FRMD6: variants seen among roughly 807,000 people sequenced by gnomAD.
FRMD6 encodes the protein FERM domain containing 6.
In FRMD6, 37 loss-of-function variants were observed where a neutral mutation model predicts 73.2. That is an observed-to-expected ratio of 0.51 (90% CI 0.39 to 0.66). FRMD6 has a LOEUF of 0.66. FRMD6 is among the 30% of genes least tolerant of loss of function. The pLI is 0.00. For missense variants in FRMD6, 714 were observed against 780.5 expected (o/e 0.91, Z 1.02); for synonymous variants, 273 against 282.2 (o/e 0.97, Z 0.33).
chr14:51,520,159 C>G (rs1473726283), intron 1 of FRMD6, among the ~76,000 whole-genome samples: 1 of 152,050 alleles, frequency 6.6e-6, no homozygotes, highest in Admixed American at 6.6e-5. Flanking sequence ...TAAAAATGGG[C>G]AAAAGACTTC....
At chr14:51,557,488 G>T (rs2139480443) in intron 1 of FRMD6, among the ~76,000 whole-genome samples, 1 of 152,224 alleles carries the variant, frequency 6.6e-6, no homozygotes, top group Non-Finnish European at 1.5e-5. Flanking sequence ...CTAGGGCAAG[G>T]CTAGGGCAGG....
At chr14:51,675,715 ATCT>A (rs1420502062) in intron 1 of FRMD6, among the ~76,000 whole-genome samples, 1 of 151,914 alleles carries the variant, frequency 6.6e-6, no homozygotes, top group African/African-American at 2.4e-5. Context: ...TGTGCTTTTG[ATCT>A]TCTTTACTTT....
At chr14:51,694,719 T>C (rs551971505) in intron 2 of FRMD6, among the ~76,000 whole-genome samples, 1 of 152,300 alleles carries the variant, frequency 6.6e-6, no homozygotes, top group East Asian at 1.9e-4. Flanking sequence ...ATATAGAGTA[T>C]ATTTTTAGAT....
intron 1 of FRMD6, among the ~76,000 whole-genome samples, chr14:51,546,109 CAA>C (rs1886451144): frequency 2.0e-5 from 3 of 152,092 alleles, no homozygotes; most frequent in African/African-American, 7.2e-5. Context: ...AAAAATATGA[CAA>C]GTCTGTATTT....
chr14:51,492,429 G>A (rs978714190), intron 1 of FRMD6, among the ~76,000 whole-genome samples: 3 of 152,054 alleles, frequency 2.0e-5, no homozygotes, highest in African/African-American at 7.2e-5. Flanking sequence ...GACTAGGGAT[G>A]CCAGAGGAGG....
rs922577255 is a variant in FRMD6, at chr14:51,622,927, G to T, written c.-147+52517G>T. Among the ~76,000 whole-genome samples the T allele has an allele frequency of 6.6e-5, 10 of 152,140 alleles. No homozygotes were observed. The East Asian group carries it at 7.7e-4, about 12-fold the overall frequency. On this transcript the variant is annotated intron_variant, in intron 2 of 14. Coordinates refer to the FRMD6 transcript ENST00000356218. ...ACTACAGGCAGGCATCATCAAGCTC[G>T]GCTAATTTTTTAAAAGATTTTTTGT...
chr14:51,486,751 T>C (rs1377332461), upstream of FRMD6, among the ~76,000 whole-genome samples: 5 of 152,178 alleles, frequency 3.3e-5, no homozygotes, highest in Non-Finnish European at 7.3e-5. Context: ...TGTCCTTATG[T>C]GGAAGATGCC....
intron 2 of FRMD6, among the ~76,000 whole-genome samples, chr14:51,609,609 CAG>C (rs1164269465): frequency 6.6e-6 from 1 of 152,152 alleles, no homozygotes; most frequent in African/African-American, 2.4e-5. Flanking sequence ...TGCGTTCAAT[CAG>C]AGAGAGATTA....
intron 1 of FRMD6, among the ~76,000 whole-genome samples, chr14:51,521,251 T>C (rs1884941108): frequency 1.3e-5 from 2 of 152,194 alleles, no homozygotes; most frequent in African/African-American, 4.8e-5. Context: ...ATGTAAGTTG[T>C]AGTTCTGTAA....
rs191697475 is a variant in FRMD6, at chr14:51,548,576, G to A, written c.-209-21772G>A. Among the ~76,000 whole-genome samples the A allele has an allele frequency of 3.8e-3, 585 of 152,244 alleles. 5 individuals are homozygous for A. Among genetic ancestry groups the A allele is most frequent in the Non-Finnish European group, 6.3e-3 (425 of 67,994 alleles). The stretch of plus-strand genomic sequence containing the variant: ...AAGCAATATTTTGTCTTTCTTGAAA[G>A]AAAATTGAAGAAAGTCTGTGAAATA... On this transcript the variant is annotated intron_variant, in intron 1 of 14. Transcript: ENST00000356218.
chr14:51,528,502 T>C (rs1885389560), intron 1 of FRMD6, among the ~76,000 whole-genome samples: 1 of 152,124 alleles, frequency 6.6e-6, no homozygotes, highest in Admixed American at 6.6e-5. Context: ...ACCCTTGCAT[T>C]CCAGAATTTT....
chr14:51,573,316 T>G (rs1026669149), intron 2 of FRMD6, among the ~76,000 whole-genome samples: 3 of 152,180 alleles, frequency 2.0e-5, no homozygotes, highest in African/African-American at 7.2e-5. Flanking sequence ...GACCTGGCGT[T>G]GGAATTCTGA....
chr14:51,666,388 T>G (rs1458820730), intron 1 of FRMD6, among the ~76,000 whole-genome samples: 1 of 152,246 alleles, frequency 6.6e-6, no homozygotes, highest in African/African-American at 2.4e-5. Flanking sequence ...ATGTCTGTGA[T>G]ATTACTGTGA....
chr14:51,710,219 TAATG>T (rs1159002200), intron 7 of FRMD6, among the ~76,000 whole-genome samples: 1 of 152,120 alleles, frequency 6.6e-6, no homozygotes, highest in Non-Finnish European at 1.5e-5. Context: ...AAATGTAACA[TAATG>T]AAGTGGGGGA....
At chr14:51,576,496 G>A (rs1888410919) in intron 2 of FRMD6, among the ~76,000 whole-genome samples, 1 of 152,164 alleles carries the variant, frequency 6.6e-6, no homozygotes, top group Non-Finnish European at 1.5e-5. Context: ...TTCTTTTGAA[G>A]CAGAATGCTT....
intron 2 of FRMD6, among the ~76,000 whole-genome samples, chr14:51,641,328 C>T (rs1423615802): frequency 6.6e-6 from 1 of 152,176 alleles, no homozygotes; most frequent in Non-Finnish European, 1.5e-5. Flanking sequence ...ATTGATTCTT[C>T]ATTGCTATTA....
At chr14:51,529,631 A>C (rs1430152035) in intron 1 of FRMD6, among the ~76,000 whole-genome samples, 1 of 152,196 alleles carries the variant, frequency 6.6e-6, no homozygotes, top group Non-Finnish European at 1.5e-5. Flanking sequence ...ATAAGCAAGT[A>C]GTAAATATAA....
At chr14:51,429,298 T>C in the FRMD6 span, among the ~76,000 whole-genome samples, 1 of 152,226 alleles carries the variant, frequency 6.6e-6, no homozygotes, top group South Asian at 2.1e-4. Context: ...GAAATGGCTG[T>C]TGTTTTCAGC....
intron 1 of FRMD6, among the ~76,000 whole-genome samples, chr14:51,516,178 T>C (rs1487809007): frequency 1.3e-5 from 2 of 152,170 alleles, no homozygotes; most frequent in Non-Finnish European, 2.9e-5. Flanking sequence ...GAATTCTCTC[T>C]TCTAAGGACT....
Sources: gnomAD v4.1 joint callset for allele counts (sites outside exome capture counted in the v4.1 genomes callset) on GRCh38, gnomAD v4.1.1 for gene constraint, MANE v1.5 for transcripts, NCBI Gene and HGNC (gene_info 2026-07-23, HGNC 2026-07-21) for gene names.